Variants in CHD9 observed in about 807,000 individuals in gnomAD.
CHD9 encodes ATP-dependent chromatin remodeler CHD9.
A neutral mutation model predicts 316.1 loss-of-function variants in CHD9; 77 were observed. The ratio of observed to expected loss-of-function variants is 0.24; its 90% confidence interval spans 0.20 to 0.29. CHD9 has a LOEUF of 0.29. Among genes scored for constraint, CHD9 ranks in the 10% least tolerant of loss-of-function variants. CHD9 has a pLI of 1.00. For missense variants in CHD9, 2,763 were observed against 3,438.1 expected (o/e 0.80, Z 4.91); for synonymous variants, 1,129 against 1,158.3 (o/e 0.97, Z 0.51).
At chr16:53,315,748 G>T (rs1479930332) in intron 36 of CHD9, among the ~76,000 whole-genome samples, 1 of 151,526 alleles carries the variant, frequency 6.6e-6, no homozygotes, top group African/African-American at 2.4e-5. Flanking sequence ...CAAAGTGCTA[G>T]GAATACAGAC....
intron 34 of CHD9, 93 bp downstream of exon 34, chr16:53,308,947 T>C (rs1270032873): frequency 2.0e-6 from 2 of 1,021,498 alleles, no homozygotes; most frequent in Non-Finnish European, 2.8e-6. Flanking sequence ...AATTTATTTT[T>C]CCTTTGTTGG....
At chr16:53,166,666 G>T (rs150424012) in intron 2 of CHD9, among the ~76,000 whole-genome samples, 1 of 152,220 alleles carries the variant, frequency 6.6e-6, no homozygotes, top group East Asian at 1.9e-4. Context: ...GGACTGAAAT[G>T]ATTTTAAATT....
At chr16:53,122,738 G>A (rs753070342) in intron 1 of CHD9, among the ~76,000 whole-genome samples, 4 of 151,332 alleles carry the variant, frequency 2.6e-5, no homozygotes, top group South Asian at 4.2e-4. Flanking sequence ...ACGGAGTCTC[G>A]CTCTGTCGCC....
At chr16:53,236,531 A>G (rs1393704734) in intron 11 of CHD9, among the ~76,000 whole-genome samples, 1 of 151,838 alleles carries the variant, frequency 6.6e-6, no homozygotes, top group African/African-American at 2.4e-5. Flanking sequence ...CCTTCAGTCT[A>G]TGAACAAATT....
chr16:53,304,342 A>G lies in CHD9; in HGVS notation c.6336A>G (p.Leu2112=). The change falls in exon 31 of 39, where the codon CTA becomes CTG. Residue 2112 remains leucine (L), a synonymous_variant. Coordinates refer to ENST00000447540, the MANE Select transcript of CHD9 (RefSeq NM_001308319.2). ...TGGTTGCAGCCAGAACAGAACCCCT[A>G]ACTCCAAACCCAGCTTCTAAGAAAC... is the stretch of plus-strand genomic sequence containing the variant. The part of the protein sequence containing the change: ...RRMVAARTEP[L]TPNPASKKPR... 1.3e-5 allele frequency: 21 copies of G among 1,613,040 alleles called. No individual in the cohort carries two copies. The highest frequency in any genetic ancestry group is 1.6e-5 in the Non-Finnish European group (19 of 1,179,804).
At chr16:53,093,955 G>T (rs968558544) in intron 1 of CHD9, among the ~76,000 whole-genome samples, 50 of 152,184 alleles carry the variant, frequency 3.3e-4, no homozygotes, top group African/African-American at 1.2e-3. Flanking sequence ...TTCTGTCCAT[G>T]AAGTCTGTCA....
At chr16:53,088,548 G>T (rs1187561580) in intron 1 of CHD9, among the ~76,000 whole-genome samples, 5 of 151,838 alleles carry the variant, frequency 3.3e-5, no homozygotes, top group Non-Finnish European at 1.5e-5. Flanking sequence ...AAAGTGCTGG[G>T]ATTACAGGCT....
rs1019107389 is a variant in CHD9, at chr16:53,255,652, A to G, written c.4082A>G (p.Tyr1361Cys). The change falls in exon 19 of 39, where the codon TAT becomes TGT. Residue 1361 changes from tyrosine (Y) to cysteine (C), a missense_variant. Tyr to Cys is a radical substitution (Grantham distance 194). This residue lies in a region of CHD9 where 199 missense variants were observed against 251.7 expected (regional missense o/e 0.79). Transcript: ENST00000447540. ...GAAGATCTGCTTCGAAGAGGTGCTT[A>G]TGGTGCTATTATGGAGGAAGAAGAT... ...EIEDLLRRGA[Y>C]GAIMEEEDEG... 1 of 1,613,882 alleles carries G rather than the reference A, an allele frequency of 6.2e-7. No homozygotes were observed.
intron 1 of CHD9, among the ~76,000 whole-genome samples, chr16:53,096,334 A>C (rs1445554277): frequency 6.6e-6 from 1 of 152,152 alleles, no homozygotes; most frequent in East Asian, 1.9e-4. Flanking sequence ...AATGCCGGGT[A>C]CCTCATCATT....
intron 1 of CHD9, among the ~76,000 whole-genome samples, chr16:53,120,696 G>A (rs1055623434): frequency 7.2e-5 from 11 of 152,080 alleles, no homozygotes; most frequent in African/African-American, 2.7e-4. Context: ...AGTGGTATAA[G>A]TCATACATGC....
chr16:53,097,809 A>G (rs12600218), intron 1 of CHD9, among the ~76,000 whole-genome samples: 36,566 of 152,158 alleles, frequency 0.24, 4,752 homozygotes, highest in South Asian at 0.34. Flanking sequence ...TATTATTTTG[A>G]TTTTGTGGTT....
chr16:53,248,765 T>G (rs894473004), intron 16 of CHD9, among the ~76,000 whole-genome samples: 1 of 152,054 alleles, frequency 6.6e-6, no homozygotes, highest in African/African-American at 2.4e-5. Context: ...CAAGCAGTTC[T>G]TCCACCTCAG....
chr16:53,306,527 T>TAACA, intron 32 of CHD9, 130 bp downstream of exon 32: 2 of 633,848 alleles, frequency 3.2e-6, no homozygotes, highest in Non-Finnish European at 4.9e-6. Flanking sequence ...TGGTGTTAGC[T>TAACA]CCAAAAGTAT....
chr16:53,193,880 T>C (rs8060838), intron 2 of CHD9, among the ~76,000 whole-genome samples: 5,106 of 152,248 alleles, frequency 0.034, 298 homozygotes, highest in African/African-American at 0.12. Flanking sequence ...ACAAATTGAA[T>C]GTGACCTTGG....
At chr16:53,210,178 T>G (rs779902164) in intron 3 of CHD9, among the ~76,000 whole-genome samples, 1 of 151,976 alleles carries the variant, frequency 6.6e-6, no homozygotes, top group Non-Finnish European at 1.5e-5. Context: ...AAATTCTTTA[T>G]AAGATTCTTT....
intron 1 of CHD9, among the ~76,000 whole-genome samples, chr16:53,101,911 T>C (rs553183405): frequency 1.8e-4 from 28 of 152,246 alleles, no homozygotes; most frequent in African/African-American, 6.5e-4. Context: ...GAACTCCACA[T>C]CTGAAATTTG....
At position 53,292,719 on chromosome 16, in the gene CHD9, G is replaced by GT. The variant is rs546128248; in HGVS notation, c.5291-105dup. 2,930 of 751,544 alleles carry GT rather than the reference G, an allele frequency of 3.9e-3. 6 individuals are homozygous for GT. The highest frequency in any genetic ancestry group is 0.017 in the African/African-American group (963 of 55,828). The allele number at this position is 751,544 out of a possible 1,614,324, so 46.6% of individuals were successfully genotyped here. A position where few individuals can be genotyped will look rare whatever the true frequency, so the allele number is the denominator to read the frequency against. On this transcript the variant is annotated intron_variant, in intron 28 of 38. Coordinates refer to ENST00000447540, the MANE Select transcript of CHD9 (RefSeq NM_001308319.2). Reference sequence around the variant, plus strand: ...AAGAAGCTTTTAGGATGAGAAATATGTTTTTTTTTCCCCACATAGATTGAA... The same window carrying GT: ...AAGAAGCTTTTAGGATGAGAAATATGTTTTTTTTTTCCCCACATAGATTGAA...
At chr16:53,129,254 T>C (rs1055719865) in intron 1 of CHD9, among the ~76,000 whole-genome samples, 1 of 152,224 alleles carries the variant, frequency 6.6e-6, no homozygotes, top group East Asian at 1.9e-4. Flanking sequence ...GTCATTCTGC[T>C]GTGATGTCAG....
chr16:53,099,420 G>A (rs1402293542), intron 1 of CHD9, among the ~76,000 whole-genome samples: 1 of 152,022 alleles, frequency 6.6e-6, no homozygotes, highest in African/African-American at 2.4e-5. Context: ...CGGTTAATTT[G>A]GTTTCTCACT....
Sources: allele counts gnomAD v4.1 joint callset (sites outside exome capture counted in the v4.1 genomes callset), GRCh38; gene constraint gnomAD v4.1.1; regional missense constraint gnomAD v4.1.1; transcripts MANE v1.5; gene names NCBI Gene and HGNC (gene_info 2026-07-23, HGNC 2026-07-21).